AQR: variants seen among roughly 807,000 people sequenced by gnomAD.
AQR encodes aquarius intron-binding spliceosomal factor.
In AQR, 61 loss-of-function variants were observed where a neutral mutation model predicts 180.5. That is an observed-to-expected ratio of 0.34 (90% CI 0.28 to 0.42). The LOEUF (loss-of-function observed/expected upper bound fraction) is 0.42. AQR is among the 10% of genes least tolerant of loss of function. The pLI is 1.00. For synonymous variants in AQR, 551 were observed against 588.8 expected (o/e 0.94, Z 0.93); for missense variants, 1,281 against 1,798.3 (o/e 0.71, Z 5.20).
intron 33 of AQR, 83 bp from the exon 34 acceptor site, chr15:34,860,238 C>A: frequency 1.7e-6 from 1 of 589,636 alleles, no homozygotes; most frequent in South Asian, 4.9e-5. Context: ...ATTTCTTAAT[C>A]TTATGAATAA....
intron 6 of AQR, among the ~76,000 whole-genome samples, chr15:34,943,620 TAAGA>T (rs1186863057): frequency 4.6e-5 from 7 of 152,250 alleles, no homozygotes; most frequent in African/African-American, 1.4e-4. Context: ...GTCTTCAGAA[TAAGA>T]AAGAACTCCA....
chr15:34,930,808 T>C lies in AQR; in HGVS notation c.901-437A>G, dbSNP rs1338852307. Among the ~76,000 whole-genome samples, 3 of 148,234 alleles carry C rather than the reference T, an allele frequency of 2.0e-5. No individual in the cohort carries two copies. The Admixed American group carries it at 2.0e-4, about 10-fold the overall frequency. ...ATTCATAATTGGAGATACTTTTTTA[T>C]ACGCCACTTCTTTTTTTTTTTTTTT... On this transcript the variant is annotated intron_variant, in intron 11 of 34. Transcript: ENST00000156471.
intron 3 of AQR, among the ~76,000 whole-genome samples, chr15:34,956,911 A>T (rs1894328683): frequency 6.6e-6 from 1 of 152,180 alleles, no homozygotes; most frequent in African/African-American, 2.4e-5. Flanking sequence ...AGAATCTGGC[A>T]CATAGTAAGC....
At position 34,884,522 on chromosome 15, in the gene AQR, T is replaced by C. The variant is rs1413482575; in HGVS notation, c.3027+3A>G. The stretch of plus-strand genomic sequence containing the variant: ...GAAGTTCAAAGAACTTGAGAATCCT[T>C]ACCTCAAGCTGCGTAAAGATTTTCT... On this transcript the variant is annotated splice_donor_region_variant and intron_variant, in intron 26 of 34. Transcript: ENST00000156471. The C allele has an allele frequency of 4.4e-6, 7 of 1,574,264 alleles. No homozygotes were observed. The highest frequency in any genetic ancestry group is 6.0e-6 in the Non-Finnish European group (7 of 1,165,492).
chr15:34,915,070 G>A lies in AQR; in HGVS notation c.1452C>T (p.Asp484=), dbSNP rs778934626. The A allele has an allele frequency of 9.9e-6, 16 of 1,612,614 alleles. No individual in the cohort carries two copies. In the Middle Eastern group the frequency reaches 1.7e-3, roughly 166 times the overall value. Reference sequence around the variant, plus strand: ...TCATTCTGCTGACACTATCTTCAATGTCCTGACGAATTTCATAAGTTGATT... The same window carrying A: ...TCATTCTGCTGACACTATCTTCAATATCCTGACGAATTTCATAAGTTGATT... ...RLESTYEIRQ[D]IEDSVSRMKP... The change falls in exon 16 of 35, where the codon GAC becomes GAT. Residue 484 remains aspartate, a synonymous_variant. Coordinates refer to ENST00000156471, the MANE Select transcript of AQR (RefSeq NM_014691.3).
intron 9 of AQR, among the ~76,000 whole-genome samples, chr15:34,938,434 G>A (rs1218724382): frequency 1.3e-5 from 2 of 152,154 alleles, no homozygotes; most frequent in Non-Finnish European, 2.9e-5. Context: ...TCGGGAGGCT[G>A]AGGCAGGAGA....
At position 34,852,568 on chromosome 15, in the gene AQR, T is replaced by TATA. The variant is rs1555421976; in HGVS notation, c.*4223_*4224insTAT. 2 of 151,166 alleles carry TATA rather than the reference T, an allele frequency of 1.3e-5. No individual in the cohort carries two copies. The highest frequency in any genetic ancestry group is 3.0e-5 in the Non-Finnish European group (2 of 67,782). The allele number at this position is 151,166 out of a possible 1,614,324, so 9.4% of individuals were successfully genotyped here. A position where few individuals can be genotyped will look rare whatever the true frequency, so the allele number is the denominator to read the frequency against. On this transcript the variant is annotated 3_prime_UTR_variant, in exon 35 of 35. Transcript: ENST00000156471. ...CTAAGGAAATAGCTACCTATCTTATTAAAAAAAAACAAAAACAAAGTTTTA... is the reference window on the plus strand; with the variant it reads ...CTAAGGAAATAGCTACCTATCTTATTATAAAAAAAAAACAAAAACAAAGTTTTA...
chr15:34,956,744 G>T (rs28498500), intron 3 of AQR, among the ~76,000 whole-genome samples: 82,340 of 146,200 alleles, frequency 0.56, 27,408 homozygotes, highest in South Asian at 0.75. Context: ...TTCAATACCT[G>T]GTGTGCCTCT....
In AQR at chr15:34,855,705, G is replaced by C. The variant is rs533450157; in HGVS notation, c.*1087C>G. 4 of 152,108 alleles carry C rather than the reference G, an allele frequency of 2.6e-5. No individual in the cohort carries two copies. The South Asian group carries it at 6.2e-4, about 24-fold the overall frequency. 9.4% of individuals were successfully genotyped at this position (152,108 alleles called of 1,614,324 possible). A position where few individuals can be genotyped will look rare whatever the true frequency, so the allele number is the denominator to read the frequency against. ...GCTTCTCAAACTACAAAGTGCCTGT[G>C]AATCACCTGGGGACTTTGTTGCAAT... On this transcript the variant is annotated 3_prime_UTR_variant, in exon 35 of 35. Coordinates refer to ENST00000156471, the MANE Select transcript of AQR (RefSeq NM_014691.3).
rs1222911965 is a variant in AQR, at chr15:34,930,796, G to C, written c.901-425C>G. Among the ~76,000 whole-genome samples the C allele has an allele frequency of 6.2e-5, 9 of 146,234 alleles. No individual in the cohort carries two copies. In the East Asian group the frequency reaches 1.9e-3, roughly 30 times the overall value. ...ATAGGTTTTGCAATTCATAATTGGAGATACTTTTTTATACGCCACTTCTTT... is the reference window on the plus strand; with the variant it reads ...ATAGGTTTTGCAATTCATAATTGGACATACTTTTTTATACGCCACTTCTTT... On this transcript the variant is annotated intron_variant, in intron 11 of 34. Coordinates refer to ENST00000156471, the MANE Select transcript of AQR (RefSeq NM_014691.3).
Position 34,934,625 on chromosome 15 carries a change from A to C in AQR, c.729T>G (p.Thr243=), listed in dbSNP as rs75266140. 1 of 1,584,192 alleles carries C rather than the reference A, an allele frequency of 6.3e-7. No homozygotes were observed. Among genetic ancestry groups the C allele is most frequent in the African/African-American group, 1.4e-5 (1 of 73,500 alleles). Residue 243 remains threonine, a synonymous_variant, in exon 10 of 35, where the codon ACT becomes ACG. Coordinates refer to ENST00000156471, the MANE Select transcript of AQR (RefSeq NM_014691.3). ...LKSVPLSEPV[T]MDKVHYCERF... Reference sequence around the variant, plus strand: ...TTTCACAGTAATGAACTTTGTCCATAGTGACAGGTTCTAGACATAAGAGAG... The same window carrying C: ...TTTCACAGTAATGAACTTTGTCCATCGTGACAGGTTCTAGACATAAGAGAG...
At chr15:34,910,766 TATC>T (rs1566987650) in intron 16 of AQR, among the ~76,000 whole-genome samples, 2 of 152,368 alleles carry the variant, frequency 1.3e-5, no homozygotes, top group East Asian at 3.9e-4. Context: ...TACACTGTGA[TATC>T]ATTACCAACA....
intron 27 of AQR, among the ~76,000 whole-genome samples, chr15:34,876,582 C>A (rs946878881): frequency 6.6e-6 from 1 of 152,112 alleles, no homozygotes; most frequent in Non-Finnish European, 1.5e-5. Flanking sequence ...ACTATGACTA[C>A]GGATAGCAAA....
At chr15:34,884,080 T>C (rs567048309) in intron 26 of AQR, among the ~76,000 whole-genome samples, 1 of 152,302 alleles carries the variant, frequency 6.6e-6, no homozygotes, top group Admixed American at 6.5e-5. Flanking sequence ...ATCCAATTTA[T>C]ATCTTACTTA....
rs1187093461 is a variant in AQR, at chr15:34,860,166, G to A, written c.4030-11C>T. 1.4e-6 allele frequency: 2 copies of A among 1,418,914 alleles called. No homozygotes were observed. Among genetic ancestry groups the A allele is most frequent in the Admixed American group, 2.2e-5 (1 of 45,214 alleles). The allele number at this position is 1,418,914 out of a possible 1,614,324, so 87.9% of individuals were successfully genotyped here. On this transcript the variant is annotated splice_polypyrimidine_tract_variant and intron_variant, in intron 33 of 34. Transcript: ENST00000156471. ...TGGTCTCTCTCCATTCTAGAAGAAG[G>A]AAAAAAGAACGTTAAGTATCTAGTA...
At chr15:34,907,364 G>C (rs1034108714) in intron 17 of AQR, among the ~76,000 whole-genome samples, 1 of 152,174 alleles carries the variant, frequency 6.6e-6, no homozygotes, top group Non-Finnish European at 1.5e-5. Context: ...TGGCTTCCCA[G>C]CTCTATTAAA....
chr15:34,946,762 G>A (rs1400282966), intron 5 of AQR, among the ~76,000 whole-genome samples: 2 of 148,208 alleles, frequency 1.3e-5, no homozygotes, highest in Non-Finnish European at 3.0e-5. Context: ...GGGAGGTGGG[G>A]GGGTCAGCCC....
At chr15:34,927,315 C>G (rs1227884270) in intron 12 of AQR, among the ~76,000 whole-genome samples, 177 bp from the exon 13 acceptor site, 1 of 152,168 alleles carries the variant, frequency 6.6e-6, no homozygotes, top group South Asian at 2.1e-4. Flanking sequence ...AGAGAAAAAA[C>G]TACAACTGTC....
intron 9 of AQR, 37 bp downstream of exon 9, chr15:34,938,700 A>T: frequency 7.6e-7 from 1 of 1,308,658 alleles, no homozygotes; most frequent in Non-Finnish European, 1.1e-6. Context: ...CAGCTATATG[A>T]TAATTTCACA....
Sources: gnomAD v4.1 joint callset for allele counts (sites outside exome capture counted in the v4.1 genomes callset) on GRCh38, gnomAD v4.1.1 for gene constraint, MANE v1.5 for transcripts, NCBI Gene and HGNC (gene_info 2026-07-23, HGNC 2026-07-21) for gene names.